Variants in RLF observed in about 807,000 individuals in gnomAD.
The protein encoded by RLF is RLF zinc finger, also known as zinc finger protein Rlf.
A neutral mutation model predicts 162.9 loss-of-function variants in RLF; 7 were observed. The ratio of observed to expected loss-of-function variants is 0.04; its 90% confidence interval spans 0.02 to 0.08. RLF has a LOEUF of 0.08. RLF is among the 10% of genes least tolerant of loss of function. The pLI, the probability that RLF is intolerant of heterozygous loss-of-function variation, is 1.00. For missense variants in RLF, 1,664 were observed against 2,244.7 expected (o/e 0.74, Z 5.23); for synonymous variants, 782 against 791.5 (o/e 0.99, Z 0.20).
At chr1:40,198,943 G>C (rs1361050029) in intron 4 of RLF, among the ~76,000 whole-genome samples, 1 of 152,206 alleles carries the variant, frequency 6.6e-6, no homozygotes, top group African/African-American at 2.4e-5. Context: ...ATACAAGATT[G>C]AGCCATATGT....
intron 4 of RLF, among the ~76,000 whole-genome samples, chr1:40,200,377 A>C (rs554500482): frequency 1.3e-4 from 19 of 151,952 alleles, no homozygotes; most frequent in African/African-American, 4.6e-4. Flanking sequence ...AGATTTATTC[A>C]CATGTTTCAG....
intron 5 of RLF, among the ~76,000 whole-genome samples, chr1:40,204,971 G>C (rs1642769465): frequency 6.6e-6 from 1 of 152,096 alleles, no homozygotes; most frequent in African/African-American, 2.4e-5. Context: ...TCTGTTACTA[G>C]AGATAAATTA....
chr1:40,196,936 T>C (rs372023628), intron 4 of RLF, among the ~76,000 whole-genome samples: 2 of 152,224 alleles, frequency 1.3e-5, no homozygotes, highest in South Asian at 2.1e-4. Context: ...TTACGTCAAG[T>C]TAGTGGAAAG....
At chr1:40,204,503 C>G (rs961990229) in intron 5 of RLF, among the ~76,000 whole-genome samples, 2 of 152,132 alleles carry the variant, frequency 1.3e-5, no homozygotes, top group African/African-American at 2.4e-5. Context: ...AAATCCTGGG[C>G]TCAGGTGATC....
At chr1:40,178,716 C>T (rs1642365989) in intron 1 of RLF, among the ~76,000 whole-genome samples, 1 of 133,824 alleles carries the variant, frequency 7.5e-6, no homozygotes, top group Non-Finnish European at 1.5e-5. Context: ...GAGATGAGGG[C>T]TTGATATAGT....
chr1:40,229,011 T>C (rs1643118236), intron 6 of RLF, among the ~76,000 whole-genome samples: 1 of 152,136 alleles, frequency 6.6e-6, no homozygotes, highest in Non-Finnish European at 1.5e-5. Flanking sequence ...ACTGCGTTGC[T>C]CAGGCTGGTC....
intron 6 of RLF, among the ~76,000 whole-genome samples, chr1:40,227,831 C>T (rs145007385): frequency 0.049 from 7,378 of 152,098 alleles, 584 homozygotes; most frequent in African/African-American, 0.17. Flanking sequence ...GCTGAAACCC[C>T]GTCTCCACTA....
intron 5 of RLF, among the ~76,000 whole-genome samples, chr1:40,206,071 C>G (rs187384163): frequency 1.3e-5 from 2 of 152,194 alleles, no homozygotes; most frequent in Non-Finnish European, 2.9e-5. Flanking sequence ...GTTCCCTCCT[C>G]CAAACTCCAG....
intron 1 of RLF, among the ~76,000 whole-genome samples, chr1:40,167,459 G>T (rs115533157): frequency 3.2e-4 from 48 of 152,226 alleles, no homozygotes; most frequent in African/African-American, 1.2e-3. Flanking sequence ...AACTTTGGGT[G>T]CTGTCATTTA....
intron 5 of RLF, among the ~76,000 whole-genome samples, chr1:40,203,585 A>T (rs529360064): frequency 1.4e-5 from 2 of 144,066 alleles, no homozygotes; most frequent in Admixed American, 7.0e-5. Context: ...TGCATCCTTT[A>T]AAAAAAAAAA....
Position 40,179,672 on chromosome 1 carries a change from CTCCA to C in RLF, c.238-9368_238-9365del, listed in dbSNP as rs145703000. ...ATTCACATTGTTGTGCAACCATTAC[CTCCA>C]TCCATCCATCCATCTCCAGAACTTT... On this transcript the variant is annotated intron_variant, in intron 1 of 7. Transcript: ENST00000372771. 1.3e-3 allele frequency among the ~76,000 whole-genome samples: 201 copies of C among 151,912 alleles called. 5 individuals are homozygous for C. The South Asian group carries it at 0.024, about 18-fold the overall frequency.
intron 7 of RLF, among the ~76,000 whole-genome samples, chr1:40,232,345 G>T (rs1372941689): frequency 6.6e-6 from 1 of 151,704 alleles, no homozygotes; most frequent in Non-Finnish European, 1.5e-5. Context: ...TTCTATTGTT[G>T]AATAACATCA....
chr1:40,233,530 A>G (rs1282638842), intron 7 of RLF, among the ~76,000 whole-genome samples: 2 of 152,204 alleles, frequency 1.3e-5, no homozygotes, highest in African/African-American at 4.8e-5. Context: ...CTTCTATCAC[A>G]TCATCCTAAT....
intron 1 of RLF, among the ~76,000 whole-genome samples, chr1:40,183,504 G>A (rs781147365): frequency 1.1e-4 from 17 of 152,120 alleles, no homozygotes; most frequent in Non-Finnish European, 2.2e-4. Context: ...TGTAAACTCG[G>A]GAAGAAGGCC....
intron 3 of RLF, among the ~76,000 whole-genome samples, chr1:40,192,678 T>C (rs1386437196): frequency 6.6e-6 from 1 of 152,176 alleles, no homozygotes; most frequent in Non-Finnish European, 1.5e-5. Flanking sequence ...ATAAATGTAG[T>C]AGGGGTACAA....
intron 1 of RLF, among the ~76,000 whole-genome samples, chr1:40,179,733 T>C (rs887224313): frequency 6.6e-6 from 1 of 152,152 alleles, no homozygotes; most frequent in Admixed American, 6.5e-5. Context: ...TATGTACCCA[T>C]TAAATACTAA....
At position 40,213,024 on chromosome 1, in the gene RLF, G is replaced by A. The variant is rs372220851; in HGVS notation, c.811-9550G>A. ...TTTTATGCTAATTGGCTGCCTGTTAGACCATTGGTGTTTAATTGCCTGATT... is the reference window on the plus strand; with the variant it reads ...TTTTATGCTAATTGGCTGCCTGTTAAACCATTGGTGTTTAATTGCCTGATT... On this transcript the variant is annotated intron_variant, in intron 5 of 7. Transcript: ENST00000372771. Among the ~76,000 whole-genome samples the A allele has an allele frequency of 8.5e-5, 13 of 152,260 alleles. 1 individual carries two copies. Among genetic ancestry groups the A allele is most frequent in the East Asian group, 3.9e-4 (2 of 5,192 alleles).
chr1:40,175,990 T>A (rs540937967), intron 1 of RLF, among the ~76,000 whole-genome samples: 2 of 152,306 alleles, frequency 1.3e-5, no homozygotes, highest in East Asian at 3.9e-4. Flanking sequence ...ATTGCATTTT[T>A]AAGAATTTTA....
intron 5 of RLF, among the ~76,000 whole-genome samples, chr1:40,217,048 C>G (rs116266116): frequency 0.019 from 2,828 of 152,000 alleles, 77 homozygotes; most frequent in African/African-American, 0.065. Flanking sequence ...GACTCTGTCT[C>G]CAAAAAAAGA....
Sources: gnomAD v4.1 joint callset for allele counts (sites outside exome capture counted in the v4.1 genomes callset) on GRCh38, gnomAD v4.1.1 for gene constraint, MANE v1.5 for transcripts, NCBI Gene and HGNC (gene_info 2026-07-23, HGNC 2026-07-21) for gene names.